PTPRT: variants seen among roughly 807,000 people sequenced by gnomAD.
The protein encoded by PTPRT is protein tyrosine phosphatase receptor type T.
PTPRT carries 56 observed loss-of-function variants against 176.8 expected under a neutral mutation model. The ratio of observed to expected loss-of-function variants is 0.32; its 90% CI spans 0.26 to 0.40. The LOEUF (loss-of-function observed/expected upper bound fraction) is 0.40, where lower values mean the gene tolerates loss of function less well. Among genes scored for constraint, PTPRT ranks in the 10% least tolerant of loss-of-function variants. The pLI is 1.00. For missense variants in PTPRT, 1,540 were observed against 1,908.2 expected (o/e 0.81, Z 3.60); for synonymous variants, 783 against 739.0 (o/e 1.06, Z -0.96).
At position 42,771,527 on chromosome 20, in the gene PTPRT, G is replaced by C. The variant is rs1479029879; in HGVS notation, c.592C>G (p.Leu198Val). The C allele has an allele frequency of 1.2e-6, 2 of 1,614,040 alleles. No individual in the cohort carries two copies. Reference sequence around the variant, plus strand: ...CCCACATTCACCTCCACGTTTTGGAGTCGCAGAAAATGAGGTGCTTTTCCT... The same window carrying C: ...CCCACATTCACCTCCACGTTTTGGACTCGCAGAAAATGAGGTGCTTTTCCT... Reference protein sequence around the residue: ...PCRKAPHFLRLQNVEVNVGQN... With the variant: ...PCRKAPHFLRVQNVEVNVGQN... The change falls in exon 5 of 31, where the codon CTC becomes GTC. Residue 198 changes from leucine (L) to valine (V), a missense_variant. Coordinates refer to ENST00000373187, the MANE Select transcript of PTPRT (RefSeq NM_007050.6).
At chr20:42,602,076 T>C (rs2073792717) in intron 7 of PTPRT, among the ~76,000 whole-genome samples, 1 of 152,244 alleles carries the variant, frequency 6.6e-6, no homozygotes, top group South Asian at 2.1e-4. Flanking sequence ...TGCTTCTCAA[T>C]GTCTTTGCCA....
At chr20:42,412,201 T>C (rs562755336) in intron 9 of PTPRT, among the ~76,000 whole-genome samples, 21 of 152,264 alleles carry the variant, frequency 1.4e-4, no homozygotes, top group Non-Finnish European at 2.5e-4. Flanking sequence ...ACAAAGAACT[T>C]TGAAGTTCAG....
chr20:43,159,271 G>A (rs571352274), intron 1 of PTPRT, among the ~76,000 whole-genome samples: 2 of 152,306 alleles, frequency 1.3e-5, no homozygotes, highest in South Asian at 4.1e-4. Flanking sequence ...GAGAGCTGGG[G>A]GTGGATACTA....
chr20:42,623,987 AG>A (rs2074245408), intron 7 of PTPRT, among the ~76,000 whole-genome samples: 1 of 149,310 alleles, frequency 6.7e-6, no homozygotes, highest in Non-Finnish European at 1.5e-5. Context: ...AGCCCCACGA[AG>A]GAAAACAAAA....
At chr20:42,040,108 C>T in the PTPRT span, among the ~76,000 whole-genome samples, 4 of 151,942 alleles carry the variant, frequency 2.6e-5, no homozygotes, top group Non-Finnish European at 4.4e-5. Context: ...CATTTTTTAT[C>T]TCTTGTCTTG....
At chr20:43,173,116 C>T (rs925270814) in intron 1 of PTPRT, among the ~76,000 whole-genome samples, 5 of 152,028 alleles carry the variant, frequency 3.3e-5, no homozygotes, top group Admixed American at 6.6e-5. Context: ...TCAGGTGATC[C>T]GCCGGAGAGC....
intron 1 of PTPRT, among the ~76,000 whole-genome samples, chr20:42,895,267 C>T (rs1335824315): frequency 6.6e-6 from 1 of 152,108 alleles, no homozygotes; most frequent in Non-Finnish European, 1.5e-5. Context: ...TGCTTCCTGG[C>T]TGGCAGATGG....
intron 8 of PTPRT, among the ~76,000 whole-genome samples, chr20:42,456,849 T>C (rs182994905): frequency 1.3e-5 from 2 of 152,298 alleles, no homozygotes; most frequent in African/African-American, 4.8e-5. Context: ...TTCTTTTTCC[T>C]TTCTCATAAA....
chr20:42,552,730 T>C (rs1486929843), intron 7 of PTPRT, among the ~76,000 whole-genome samples: 1 of 152,148 alleles, frequency 6.6e-6, no homozygotes, highest in East Asian at 1.9e-4. Flanking sequence ...CATAAACTGT[T>C]CTTACAAATC....
chr20:42,187,102 G>A (rs956559793), intron 16 of PTPRT, among the ~76,000 whole-genome samples: 7 of 152,112 alleles, frequency 4.6e-5, no homozygotes, highest in African/African-American at 1.4e-4. Flanking sequence ...AATGGATCAC[G>A]ACAGCTCCCC....
intron 17 of PTPRT, among the ~76,000 whole-genome samples, chr20:42,149,309 G>C (rs1989020186): frequency 6.6e-6 from 1 of 152,124 alleles, no homozygotes; most frequent in Non-Finnish European, 1.5e-5. Flanking sequence ...AATAAGAGGA[G>C]GATGACAAAT....
chr20:42,586,523 C>A (rs767030268), intron 7 of PTPRT, among the ~76,000 whole-genome samples: 3 of 152,136 alleles, frequency 2.0e-5, no homozygotes, highest in Non-Finnish European at 2.9e-5. Context: ...TCCACCAGAG[C>A]CTGCATTTTC....
chr20:42,636,623 A>G (rs942545199), intron 7 of PTPRT, among the ~76,000 whole-genome samples: 1 of 151,936 alleles, frequency 6.6e-6, no homozygotes, highest in Non-Finnish European at 1.5e-5. Flanking sequence ...TGTCTCTACT[A>G]AAAATACAAA....
intron 15 of PTPRT, among the ~76,000 whole-genome samples, chr20:42,232,683 A>T (rs2056159104): frequency 6.7e-6 from 1 of 150,016 alleles, no homozygotes; most frequent in African/African-American, 2.5e-5. Context: ...CCAGTCCTTC[A>T]CTTCCATAGC....
intron 1 of PTPRT, among the ~76,000 whole-genome samples, chr20:43,071,136 C>G (rs2011175136): frequency 6.6e-6 from 1 of 152,132 alleles, no homozygotes; most frequent in Non-Finnish European, 1.5e-5. Context: ...CTTGAGGCAT[C>G]AGGCTGAAGC....
chr20:42,562,783 T>C (rs1243725786), intron 7 of PTPRT, among the ~76,000 whole-genome samples: 1 of 152,068 alleles, frequency 6.6e-6, no homozygotes, highest in African/African-American at 2.4e-5. Context: ...GGGCTAAACA[T>C]CTCCTCCAGG....
intron 6 of PTPRT, among the ~76,000 whole-genome samples, chr20:42,740,363 G>C (rs772354232): frequency 1.3e-5 from 2 of 152,156 alleles, no homozygotes; most frequent in Non-Finnish European, 2.9e-5. Context: ...CCTTCCTCTG[G>C]GGTTTTATCC....
chr20:42,764,732 G>T (rs1456850623), intron 5 of PTPRT, among the ~76,000 whole-genome samples: 3 of 152,184 alleles, frequency 2.0e-5, no homozygotes, highest in Non-Finnish European at 4.4e-5. Context: ...TGAAAGACTG[G>T]TTATGAGAAT....
At chr20:42,722,928 G>C (rs1014761158) in intron 6 of PTPRT, among the ~76,000 whole-genome samples, 4 of 152,196 alleles carry the variant, frequency 2.6e-5, no homozygotes, top group African/African-American at 9.6e-5. Context: ...ATCCTGGAAG[G>C]TGGTAAACAT....
Sources: allele counts gnomAD v4.1 joint callset (sites outside exome capture counted in the v4.1 genomes callset), GRCh38; gene constraint gnomAD v4.1.1; transcripts MANE v1.5; gene names NCBI Gene and HGNC (gene_info 2026-07-23, HGNC 2026-07-21).